ANKRD55: variants seen among roughly 807,000 people sequenced by gnomAD.
ANKRD55 encodes ankyrin repeat domain 55, also known as ankyrin repeat domain-containing protein 55.
Under a neutral mutation model 60.6 loss-of-function variants are expected in ANKRD55, and 41 were observed. That is an observed-to-expected ratio of 0.68 (90% CI 0.53 to 0.88). ANKRD55 has a LOEUF of 0.88. ANKRD55 is among the 40% of genes least tolerant of loss of function. ANKRD55 has a pLI of 0.00. For missense variants in ANKRD55, 732 were observed against 767.6 expected, an observed-to-expected ratio of 0.95 and a Z score of 0.55; for synonymous variants, 264 against 290.3, an observed-to-expected ratio of 0.91 and a Z score of 0.92.
At chr5:56,144,045 T>G in intron 6 of ANKRD55, 116 bp from the exon 7 acceptor site, 1 of 1,326,966 alleles carries the variant, frequency 7.5e-7, no homozygotes, top group Non-Finnish European at 1.1e-6. Flanking sequence ...GGTTGTTTCC[T>G]GCTGGTTCAT....
At chr5:56,166,158 T>TTTCCTTCCTTCCTTCCTTCC (rs1180954187) in intron 5 of ANKRD55, among the ~76,000 whole-genome samples, 30 of 72,446 alleles carry the variant, frequency 4.1e-4, no homozygotes, top group African/African-American at 8.4e-4. Context: ...TTCTTTCTTC[T>TTTCCTTCCTTCCTTCCTTCC]TTCCTTCCTT....
chr5:56,217,786 C>T (rs1340528256), intron 2 of ANKRD55, among the ~76,000 whole-genome samples: 1 of 151,708 alleles, frequency 6.6e-6, no homozygotes, highest in Non-Finnish European at 1.5e-5. Context: ...GTCCCAGCTA[C>T]TTGGGAGGCT....
intron 6 of ANKRD55, among the ~76,000 whole-genome samples, chr5:56,148,853 G>C (rs1165943376): frequency 6.6e-6 from 1 of 151,974 alleles, no homozygotes; most frequent in Non-Finnish European, 1.5e-5. Context: ...GGTGGTGGAG[G>C]GGGAGGGTTA....
At chr5:56,155,910 A>G (rs542033238) in intron 6 of ANKRD55, among the ~76,000 whole-genome samples, 2 of 152,114 alleles carry the variant, frequency 1.3e-5, no homozygotes, top group South Asian at 4.2e-4. Flanking sequence ...ATATATACAC[A>G]TACACATACA....
rs201143186 is a variant in ANKRD55, at chr5:56,143,801, C to A, written c.612G>T (p.Gln204His). ...DFKTALHWAV[Q>H]SGNRILCSII... ...ACCAGTCCACAGGTCAATTTCTCACCTGGACTGCCCAGTGGAGAGCGGTTT... is the reference window on the plus strand; with the variant it reads ...ACCAGTCCACAGGTCAATTTCTCACATGGACTGCCCAGTGGAGAGCGGTTT... Residue 204 changes from glutamine (Q) to histidine (H), a missense_variant and splice_region_variant, in exon 7 of 12, where the codon CAG becomes CAT. By Grantham distance (24) the Gln-to-His change is conservative. Coordinates refer to ENST00000341048, the MANE Select transcript of ANKRD55 (RefSeq NM_024669.3). 1.2e-6 allele frequency: 2 copies of A among 1,614,190 alleles called. No homozygotes were observed. The highest frequency in any genetic ancestry group is 1.7e-6 in the Non-Finnish European group (2 of 1,180,034).
At chr5:56,199,945 G>C (rs1759327461) in intron 2 of ANKRD55, among the ~76,000 whole-genome samples, 1 of 151,780 alleles carries the variant, frequency 6.6e-6, no homozygotes, top group East Asian at 1.9e-4. Flanking sequence ...AGTAGTTGGA[G>C]ACCAGCCTGA....
chr5:56,101,774 T>A (rs1422737359), intron 11 of ANKRD55, among the ~76,000 whole-genome samples: 2 of 152,140 alleles, frequency 1.3e-5, no homozygotes, highest in African/African-American at 2.4e-5. Context: ...GTAATCCTGA[T>A]GAACTGCATT....
chr5:56,210,735 C>T lies in ANKRD55; in HGVS notation c.58+22121G>A, dbSNP rs561396477. On this transcript the variant is annotated intron_variant, in intron 2 of 11. Transcript: ENST00000341048. ...TTTATATAGTCAAAATCTATGGATA[C>T]TGCATTTTTAAATTGATTTCACTGC... 1.4e-3 allele frequency among the ~76,000 whole-genome samples: 214 copies of T among 152,166 alleles called. 1 individual carries two copies. The highest frequency in any genetic ancestry group is 5.0e-3 in the African/African-American group (209 of 41,508).
chr5:56,172,336 G>A (rs143035226), intron 4 of ANKRD55, among the ~76,000 whole-genome samples: 3 of 152,084 alleles, frequency 2.0e-5, no homozygotes, highest in Non-Finnish European at 2.9e-5. Flanking sequence ...TTCCAGTCTT[G>A]AGTCATAGTT....
In ANKRD55 at chr5:56,100,218, C is replaced by T. The variant is rs1561244893; in HGVS notation, c.1810G>A (p.Glu604Lys). 1 of 1,614,178 alleles carries T rather than the reference C, an allele frequency of 6.2e-7. No homozygotes were observed. ...TCACTGGTGGGGTTGGCAGAATGTT[C>T]ACTCTCTTCTGCTGCTGTGCTGTGT... ...RRHSTAAEES[E>K]HSANPTSDEN Residue 604 changes from glutamate (E) to lysine (K), a missense_variant, in exon 12 of 12, where the codon GAA (glutamate) becomes AAA (lysine). Physicochemically the swap from Glu to Lys is moderately conservative, Grantham distance 56 (BLOSUM62 1). Around this residue, in one of 3 missense-constraint regions of ANKRD55, gnomAD observed 597 missense variants for 607.5 expected, o/e 0.98. Coordinates refer to ENST00000341048, the MANE Select transcript of ANKRD55 (RefSeq NM_024669.3).
At chr5:56,215,095 T>A (rs75688722) in intron 2 of ANKRD55, among the ~76,000 whole-genome samples, 9 of 152,180 alleles carry the variant, frequency 5.9e-5, no homozygotes, top group South Asian at 2.1e-4. Context: ...TTTTTTTTTT[T>A]AATCAACTGT....
At chr5:56,162,785 T>C (rs973708992) in intron 5 of ANKRD55, among the ~76,000 whole-genome samples, 3 of 151,988 alleles carry the variant, frequency 2.0e-5, no homozygotes, top group African/African-American at 7.2e-5. Context: ...TTCATCCTCC[T>C]GCCTCAGTCT....
At chr5:56,206,144 T>C (rs560069196) in intron 2 of ANKRD55, among the ~76,000 whole-genome samples, 2 of 151,578 alleles carry the variant, frequency 1.3e-5, no homozygotes, top group South Asian at 2.1e-4. Context: ...ACTGGTTAAT[T>C]TTTTGTATTT....
rs1456268488 is a variant in ANKRD55 at position 56,141,138 on chromosome 5, T to TTTG, written c.612+2662_612+2663insCAA. Among the ~76,000 whole-genome samples the TTTG allele has an allele frequency of 1.7e-3, 261 of 149,360 alleles. 4 individuals carry two copies. The highest frequency in any genetic ancestry group is 6.1e-3 in the African/African-American group (248 of 40,532). On this transcript the variant is annotated intron_variant, in intron 7 of 11. Transcript: ENST00000341048. Reference sequence around the variant, plus strand: ...ACATGCATGCACACACAGTTTTTTTTTTTTTTTTTTTTATATAGAGATGGA... The same window carrying TTTG: ...ACATGCATGCACACACAGTTTTTTTTTTGTTTTTTTTTTTTATATAGAGATGGA...
At chr5:56,104,841 C>T (rs1756407614) in intron 10 of ANKRD55, among the ~76,000 whole-genome samples, 1 of 151,958 alleles carries the variant, frequency 6.6e-6, no homozygotes, top group South Asian at 2.1e-4. Flanking sequence ...ATGAGTAGTG[C>T]TGTGATAGAG....
At chr5:56,193,024 A>G in intron 2 of ANKRD55, 1 of 983,750 alleles carries the variant, frequency 1.0e-6, no homozygotes, top group South Asian at 1.5e-5. Flanking sequence ...AACATCATTT[A>G]GAAGATGCTG....
At chr5:56,169,283 C>T (rs1308324326) in intron 5 of ANKRD55, among the ~76,000 whole-genome samples, 1 of 152,126 alleles carries the variant, frequency 6.6e-6, no homozygotes, top group African/African-American at 2.4e-5. Context: ...TTGAAATGAC[C>T]ACTCTGAGTG....
intron 7 of ANKRD55, among the ~76,000 whole-genome samples, chr5:56,129,784 T>C (rs1757362859): frequency 6.6e-6 from 1 of 152,204 alleles, no homozygotes; most frequent in Admixed American, 6.5e-5. Flanking sequence ...TGGGATGTGT[T>C]TGCATTGCTT....
intron 4 of ANKRD55, among the ~76,000 whole-genome samples, chr5:56,174,379 T>C (rs768931209): frequency 1.3e-5 from 2 of 152,210 alleles, no homozygotes; most frequent in Non-Finnish European, 2.9e-5. Context: ...TAGAAACCCC[T>C]TCTATGCCCT....
Sources: allele counts gnomAD v4.1 joint callset (sites outside exome capture counted in the v4.1 genomes callset), GRCh38; gene constraint gnomAD v4.1.1; regional missense constraint gnomAD v4.1.1; transcripts MANE v1.5; gene names NCBI Gene and HGNC (gene_info 2026-07-23, HGNC 2026-07-21).